Variants in WASHC2C observed in about 807,000 individuals in gnomAD.
WASHC2C encodes the protein Vaccinia Penetration Factor.
Under a neutral mutation model 142.2 loss-of-function variants are expected in WASHC2C, and 73 were observed. That is an observed-to-expected ratio of 0.51 (90% confidence interval 0.43 to 0.62). WASHC2C has a LOEUF of 0.62. Among genes scored for constraint, WASHC2C ranks in the 20% least tolerant of loss-of-function variants. The pLI is 0.00. For missense variants in WASHC2C, 969 were observed against 1,531.7 expected, an observed-to-expected ratio of 0.63 and a Z score of 6.13; for synonymous variants, 337 against 565.5, an observed-to-expected ratio of 0.60 and a Z score of 5.73.
chr10:45,789,945 AC>A (rs1472702670), intron 29 of WASHC2C, among the ~76,000 whole-genome samples: 6 of 152,182 alleles, frequency 3.9e-5, no homozygotes, highest in African/African-American at 1.2e-4. Flanking sequence ...TTTATTGAGC[AC>A]CTGGGGACTG....
Position 45,777,380 on chromosome 10 carries a change from G to A in WASHC2C, c.2250G>A (p.Lys750=). 3 of 1,610,482 alleles carry A rather than the reference G, an allele frequency of 1.9e-6. No homozygotes were observed. Among genetic ancestry groups the A allele is most frequent in the Non-Finnish European group, 2.5e-6 (3 of 1,178,746 alleles). Residue 750 remains lysine, a synonymous_variant, in exon 22 of 31, where the codon AAG becomes AAA. Transcript: ENST00000623400. ...KSVDKKVESA[K]ESLKFGRTDV... ...TGGATAAGAAGGTTGAGAGTGCCAA[G>A]GAGTCATTAAAATTTGGGAGAACTG...
intron 23 of WASHC2C, among the ~76,000 whole-genome samples, chr10:45,779,521 G>C (rs1354606277): frequency 6.6e-6 from 1 of 152,200 alleles, no homozygotes; most frequent in Non-Finnish European, 1.5e-5. Flanking sequence ...TACTGATCAG[G>C]TGTCAGCAAA....
intron 5 of WASHC2C, among the ~76,000 whole-genome samples, chr10:45,742,091 C>T (rs1222830813): frequency 2.0e-5 from 3 of 151,478 alleles, no homozygotes; most frequent in African/African-American, 4.9e-5. Flanking sequence ...CTACTGCAAC[C>T]GACCAACCCT....
chr10:45,769,858 T>C (rs1222791056), intron 20 of WASHC2C, among the ~76,000 whole-genome samples: 5 of 151,554 alleles, frequency 3.3e-5, no homozygotes, highest in Admixed American at 2.6e-4. Flanking sequence ...ATATTCTTTT[T>C]CTTTGTTTGT....
upstream of WASHC2C, chr10:45,727,060 G>C: frequency 1.6e-6 from 2 of 1,219,162 alleles, no homozygotes; most frequent in Non-Finnish European, 2.1e-6. Context: ...CCTCTGCAGC[G>C]TTCCTGGCGT....
chr10:45,754,187 C>A lies in WASHC2C; in HGVS notation c.1181-299C>A, dbSNP rs577314217. On this transcript the variant is annotated intron_variant, in intron 13 of 30. Coordinates refer to ENST00000623400, the MANE Select transcript of WASHC2C (RefSeq NM_001330074.2). The stretch of plus-strand genomic sequence containing the variant: ...GGGAGCCCCGGTCATGCTGTCCCTG[C>A]CTCTGCTGTGCTCACCTCCTCCCTT... Among the ~76,000 whole-genome samples the A allele has an allele frequency of 1.4e-4, 21 of 152,166 alleles. No homozygotes were observed. In the South Asian group the frequency reaches 4.1e-3, roughly 30 times the overall value.
At chr10:45,730,389 G>A (rs1175728013) in intron 3 of WASHC2C, among the ~76,000 whole-genome samples, 5 of 148,020 alleles carry the variant, frequency 3.4e-5, no homozygotes, top group East Asian at 3.9e-4. Flanking sequence ...GTAGTTTTCT[G>A]ATTGTTTACA....
Position 45,733,455 on chromosome 10 carries a change from G to A in WASHC2C, c.291+4429G>A, listed in dbSNP as rs1452685633. Among the ~76,000 whole-genome samples, 6 of 151,924 alleles carry A rather than the reference G, an allele frequency of 3.9e-5. No homozygotes were observed. The East Asian group carries it at 7.8e-4, about 20-fold the overall frequency. ...CCCCTTTTACCCTGTCTCCCCAGAT[G>A]AGGAGCAATACCAAAGATATTTAAC... On this transcript the variant is annotated intron_variant, in intron 3 of 30. Coordinates refer to ENST00000623400, the MANE Select transcript of WASHC2C (RefSeq NM_001330074.2).
intron 26 of WASHC2C, chr10:45,785,957 T>G: frequency 3.0e-6 from 1 of 337,382 alleles, no homozygotes; most frequent in Non-Finnish European, 5.5e-6. Context: ...TGGAATAGAA[T>G]TAAAATAGAA....
intron 25 of WASHC2C, 119 bp downstream of exon 25, chr10:45,785,020 G>C: frequency 6.2e-7 from 1 of 1,604,690 alleles, no homozygotes; most frequent in East Asian, 2.2e-5. Flanking sequence ...CCTGCTAAAT[G>C]AATGGCAAAT....
chr10:45,771,023 T>C (rs2056530322), intron 20 of WASHC2C, among the ~76,000 whole-genome samples: 1 of 151,642 alleles, frequency 6.6e-6, no homozygotes, highest in African/African-American at 2.4e-5. Flanking sequence ...GACATTCTTC[T>C]TCCTGTGTTG....
Position 45,774,910 on chromosome 10 carries a change from G to A in WASHC2C, c.2142+1552G>A, listed in dbSNP as rs2056922412. ...GAATATAAGATAAAGTAAATATGTGGTTAATGTATTTTCCTCATTAGCCTT... is the reference window on the plus strand; with the variant it reads ...GAATATAAGATAAAGTAAATATGTGATTAATGTATTTTCCTCATTAGCCTT... On this transcript the variant is annotated intron_variant, in intron 21 of 30. Coordinates refer to ENST00000623400, the MANE Select transcript of WASHC2C (RefSeq NM_001330074.2). 1.4e-5 allele frequency among the ~76,000 whole-genome samples: 2 copies of A among 139,860 alleles called. 1 individual carries two copies. Among genetic ancestry groups the A allele is most frequent in the Middle Eastern group, 6.8e-3 (2 of 294 alleles). The allele number at this position is 139,860 out of a possible 152,430, so 91.8% of individuals were successfully genotyped here.
At chr10:45,742,336 C>G (rs1228875321) in intron 5 of WASHC2C, among the ~76,000 whole-genome samples, 1 of 152,070 alleles carries the variant, frequency 6.6e-6, no homozygotes, top group African/African-American at 2.4e-5. Context: ...TATTTTGAGT[C>G]GGAGTTTCGC....
chr10:45,732,867 C>A (rs1387240781), intron 3 of WASHC2C, among the ~76,000 whole-genome samples: 2 of 152,298 alleles, frequency 1.3e-5, no homozygotes, highest in African/African-American at 4.8e-5. Context: ...CTGTCAAGTA[C>A]TCAGCAATTA....
chr10:45,739,393 C>A (rs1189312201), intron 4 of WASHC2C, among the ~76,000 whole-genome samples: 2 of 147,174 alleles, frequency 1.4e-5, no homozygotes, highest in African/African-American at 5.1e-5. Flanking sequence ...TTCGGTATTT[C>A]TCACAATGGC....
rs1554891679 is a variant in WASHC2C at position 45,789,311 on chromosome 10, C to T, written c.3528C>T (p.Gly1176=). 5.6e-6 allele frequency: 9 copies of T among 1,611,760 alleles called. No homozygotes were observed. In the East Asian group the frequency reaches 8.9e-5, roughly 16 times the overall value. The change falls in exon 29 of 31, where the codon GGC becomes GGT. Residue 1176 remains glycine, a synonymous_variant. Coordinates refer to ENST00000623400, the MANE Select transcript of WASHC2C (RefSeq NM_001330074.2). ...KAKSPMFPAL[G]EASSDDDLFQ... Reference sequence around the variant, plus strand: ...AGAGCCCCATGTTTCCTGCTCTAGGCGAGGCCAGCAGTGATGATGATCTCT... The same window carrying T: ...AGAGCCCCATGTTTCCTGCTCTAGGTGAGGCCAGCAGTGATGATGATCTCT...
In WASHC2C at chr10:45,765,780, A is replaced by G. The variant is rs1554882082; in HGVS notation, c.1839A>G (p.Ala613=). The G allele has an allele frequency of 6.2e-7, 1 of 1,612,070 alleles. No homozygotes were observed. The highest frequency in any genetic ancestry group is 1.3e-5 in the African/African-American group (1 of 74,998). The change falls in exon 19 of 31, where the codon GCA becomes GCG. Residue 613 remains alanine (A), a synonymous_variant. Transcript: ENST00000623400. ...AKASELSKKK[A]SALLFSSDEE... ...CCTCCGAGCTCTCCAAAAAGAAAGC[A>G]TCTGCCCTGTTGTTCAGCAGTGATG...
chr10:45,735,943 A>G (rs1206626231), intron 3 of WASHC2C, among the ~76,000 whole-genome samples: 21 of 152,190 alleles, frequency 1.4e-4, no homozygotes, highest in African/African-American at 4.8e-4. Flanking sequence ...ATCCTTCTCT[A>G]GGTATATAAA....
At chr10:45,768,606 A>G (rs1259589070) in intron 19 of WASHC2C, among the ~76,000 whole-genome samples, 1 of 152,198 alleles carries the variant, frequency 6.6e-6, no homozygotes, top group Non-Finnish European at 1.5e-5. Flanking sequence ...GGGTGTGAGC[A>G]TAGTTGAGTA....
Sources: gnomAD v4.1 joint callset for allele counts (sites outside exome capture counted in the v4.1 genomes callset) on GRCh38, gnomAD v4.1.1 for gene constraint, MANE v1.5 for transcripts, NCBI Gene and HGNC (gene_info 2026-07-23, HGNC 2026-07-21) for gene names.